ZFAT: variants seen among roughly 807,000 people sequenced by gnomAD.
ZFAT encodes zinc finger and AT-hook domain containing.
Under a neutral mutation model 117.7 loss-of-function variants are expected in ZFAT, and 64 were observed. The ratio of observed to expected loss-of-function variants is 0.54; its 90% CI spans 0.44 to 0.67. The LOEUF (loss-of-function observed/expected upper bound fraction) is 0.67, where lower values mean the gene tolerates loss of function less well. ZFAT is among the 30% of genes least tolerant of loss of function. The probability of loss-of-function intolerance (pLI) is 0.00; values close to 1 mark genes in which losing one functional copy is unlikely to be tolerated. For synonymous variants in ZFAT, 679 were observed against 615.0 expected, an observed-to-expected ratio of 1.10 and a Z score of -1.54; for missense variants, 1,433 against 1,584.5, an observed-to-expected ratio of 0.90 and a Z score of 1.62.
At chr8:134,804,669 C>T in the ZFAT span, among the ~76,000 whole-genome samples, 1 of 152,136 alleles carries the variant, frequency 6.6e-6, no homozygotes, top group Admixed American at 6.5e-5. Flanking sequence ...CTCTAAGGCC[C>T]AGCAGCAGCA....
chr8:134,787,839 G>C, the ZFAT span, among the ~76,000 whole-genome samples: 2 of 151,526 alleles, frequency 1.3e-5, 1 homozygote, highest in South Asian at 4.2e-4. Flanking sequence ...AAAATTTCTT[G>C]TATTTATTTT....
At chr8:134,525,601 G>A (rs1383117756) in intron 12 of ZFAT, among the ~76,000 whole-genome samples, 1 of 152,174 alleles carries the variant, frequency 6.6e-6, no homozygotes, top group Non-Finnish European at 1.5e-5. Context: ...TCAAGACAGA[G>A]CAGTGTTCTA....
chr8:134,549,207 C>T (rs1022603336), intron 11 of ZFAT, among the ~76,000 whole-genome samples: 5 of 151,948 alleles, frequency 3.3e-5, no homozygotes, highest in East Asian at 1.9e-4. Context: ...TTTGGGAGGC[C>T]GAGGCAGGCG....
chr8:134,767,881 G>A, the ZFAT span, among the ~76,000 whole-genome samples: 1 of 151,960 alleles, frequency 6.6e-6, no homozygotes, highest in African/African-American at 2.4e-5. Context: ...ATCTGTTCTG[G>A]AAAACTCTTA....
intron 2 of ZFAT, among the ~76,000 whole-genome samples, chr8:134,638,528 ACT>A (rs1830369215): frequency 7.0e-6 from 1 of 143,684 alleles, no homozygotes; most frequent in Non-Finnish European, 1.5e-5. Context: ...ACATGGTGAA[ACT>A]CTGTCTCTAC....
intron 15 of ZFAT, among the ~76,000 whole-genome samples, chr8:134,482,173 A>AC (rs1162612328): frequency 6.7e-6 from 1 of 150,276 alleles, no homozygotes; most frequent in African/African-American, 2.5e-5. Context: ...TTCTTCTCTG[A>AC]CCCCCCGGGC....
chr8:134,795,348 A>G, the ZFAT span: 2 of 152,252 alleles, frequency 1.3e-5, no homozygotes, highest in Non-Finnish European at 2.9e-5. Context: ...ACCGGCGACC[A>G]ATGATGTAAT....
chr8:134,600,142 A>C lies in ZFAT; in HGVS notation c.2475+294T>G. Reference sequence around the variant, plus strand: ...TATTCTTTAAAATGTCATTTGAGAAATTCTGACTTTACTTCTACTCTATAG... The same window carrying C: ...TATTCTTTAAAATGTCATTTGAGAACTTCTGACTTTACTTCTACTCTATAG... On this transcript the variant is annotated intron_variant, in intron 7 of 15. Transcript: ENST00000377838. 4 of 446,486 alleles carry C rather than the reference A, an allele frequency of 9.0e-6. No individual in the cohort carries two copies. In the South Asian group the frequency reaches 9.6e-5, roughly 11 times the overall value. 27.7% of individuals were successfully genotyped at this position (446,486 alleles called of 1,614,324 possible).
the ZFAT span, among the ~76,000 whole-genome samples, chr8:134,827,119 T>C: frequency 6.6e-6 from 1 of 152,114 alleles, no homozygotes; most frequent in Non-Finnish European, 1.5e-5. Flanking sequence ...TGGCGTGATC[T>C]CGGCTCACTG....
intron 15 of ZFAT, among the ~76,000 whole-genome samples, chr8:134,480,148 G>C (rs1817194680): frequency 6.6e-6 from 1 of 152,060 alleles, no homozygotes. Context: ...TTTTGGTAGA[G>C]ACAGGGTTTC....
chr8:134,489,814 T>C (rs988066249), intron 15 of ZFAT, among the ~76,000 whole-genome samples: 1 of 152,192 alleles, frequency 6.6e-6, no homozygotes, highest in African/African-American at 2.4e-5. Context: ...GGGTGTCAAA[T>C]AGTCATTTCC....
At chr8:134,540,206 C>T (rs1389352732) in intron 11 of ZFAT, among the ~76,000 whole-genome samples, 1 of 152,040 alleles carries the variant, frequency 6.6e-6, no homozygotes, top group African/African-American at 2.4e-5. Flanking sequence ...GGGCAGGCAG[C>T]CAAAAGGAGA....
At chr8:134,675,413 T>C (rs546480977) in intron 1 of ZFAT, among the ~76,000 whole-genome samples, 1 of 151,270 alleles carries the variant, frequency 6.6e-6, no homozygotes, top group Non-Finnish European at 1.5e-5. Context: ...GAAAAAAGGG[T>C]GAAAAGAAGC....
At chr8:134,679,757 A>C (rs947967314) in intron 1 of ZFAT, among the ~76,000 whole-genome samples, 1 of 152,116 alleles carries the variant, frequency 6.6e-6, no homozygotes. Context: ...CTATGCAGCC[A>C]TAAAAAAAGG....
chr8:134,814,837 T>C, the ZFAT span, among the ~76,000 whole-genome samples: 1 of 152,176 alleles, frequency 6.6e-6, no homozygotes, highest in Non-Finnish European at 1.5e-5. Context: ...AGATGTAAAA[T>C]AAATGAGCAA....
At chr8:134,634,972 C>T (rs139940589) in intron 3 of ZFAT, among the ~76,000 whole-genome samples, 44 of 152,302 alleles carry the variant, frequency 2.9e-4, no homozygotes, top group East Asian at 1.4e-3. Context: ...ATAAGGAGCA[C>T]GCAACGTAGA....
At chr8:134,612,555 A>C (rs1828418224) in intron 3 of ZFAT, among the ~76,000 whole-genome samples, 1 of 152,238 alleles carries the variant, frequency 6.6e-6, no homozygotes, top group South Asian at 2.1e-4. Flanking sequence ...CAAAACAAAC[A>C]TTCTAATTTT....
chr8:134,823,791 A>G, the ZFAT span, among the ~76,000 whole-genome samples: 1 of 152,260 alleles, frequency 6.6e-6, no homozygotes, highest in Non-Finnish European at 1.5e-5. Flanking sequence ...CACTGAATCT[A>G]AGATATCACT....
intron 1 of ZFAT, among the ~76,000 whole-genome samples, chr8:134,690,669 A>G (rs936422742): frequency 3.3e-5 from 5 of 152,224 alleles, no homozygotes; most frequent in African/African-American, 1.2e-4. Flanking sequence ...GACACTGGGA[A>G]AAGAAGAATT....
Sources: gnomAD v4.1 joint callset for allele counts (sites outside exome capture counted in the v4.1 genomes callset) on GRCh38, gnomAD v4.1.1 for gene constraint, MANE v1.5 for transcripts, NCBI Gene and HGNC (gene_info 2026-07-23, HGNC 2026-07-21) for gene names.